The following HEATR9 variants were observed in gnomAD, a reference collection of about 807,000 sequenced individuals.
HEATR9 encodes HEAT repeat containing 9, also known as protein HEATR9.
A neutral mutation model predicts 68.2 loss-of-function variants in HEATR9; 54 were observed. That is an observed-to-expected ratio of 0.79 (90% CI 0.64 to 0.99). The LOEUF (loss-of-function observed/expected upper bound fraction) is 0.99, where lower values mean the gene tolerates loss of function less well. HEATR9 is among the 50% of genes least tolerant of loss of function. HEATR9 has a pLI of 0.00. For missense variants in HEATR9, 662 were observed against 679.7 expected (o/e 0.97, Z 0.29); for synonymous variants, 241 against 253.5 (o/e 0.95, Z 0.47).
At position 35,855,756 on chromosome 17, in the gene HEATR9, A is replaced by G; in HGVS notation, c.1279-6T>C. 1 of 1,613,246 alleles carries G rather than the reference A, an allele frequency of 6.2e-7. No homozygotes were observed. Among genetic ancestry groups the G allele is most frequent in the Non-Finnish European group, 8.5e-7 (1 of 1,179,508 alleles). On this transcript the variant is annotated splice_region_variant and splice_polypyrimidine_tract_variant and intron_variant, in intron 13 of 14. Transcript: ENST00000604834. Reference sequence around the variant, plus strand: ...CTGCGGATCCCCAGGACACCCTGGCAGAGGCAGAGTGAGAGTGCCTATGTA... The same window carrying G: ...CTGCGGATCCCCAGGACACCCTGGCGGAGGCAGAGTGAGAGTGCCTATGTA...
chr17:35,866,986 T>G (rs2088219467), intron 1 of HEATR9, among the ~76,000 whole-genome samples: 1 of 152,014 alleles, frequency 6.6e-6, no homozygotes, highest in Non-Finnish European at 1.5e-5. Context: ...GCGCAGTGGC[T>G]CACGCCTGTA....
intron 2 of HEATR9, 105 bp from the exon 3 acceptor site, chr17:35,865,501 A>T (rs1312367057): frequency 1.6e-5 from 12 of 769,646 alleles, no homozygotes; most frequent in Non-Finnish European, 2.5e-5. Flanking sequence ...GGTGAAACAG[A>T]TGCCCTCTAG....
Position 35,864,808 on chromosome 17 carries a change from A to T in HEATR9, c.403T>A (p.Ser135Thr). The T allele has an allele frequency of 6.2e-7, 1 of 1,614,114 alleles. No individual in the cohort carries two copies. Among genetic ancestry groups the T allele is most frequent in the Non-Finnish European group, 8.5e-7 (1 of 1,180,016 alleles). ...SKLTIKSEMR[S>T]RPLEPTQDPL... ...TCCTGGGTAGGCTCTAAGGGCCTGG[A>T]TCGCATCTCAGATTTTATAGTCAGC... Residue 135 changes from serine (S) to threonine (T), a missense_variant, in exon 4 of 15, where the codon TCC becomes ACC. Transcript: ENST00000604834.
chr17:35,856,204 G>T lies in HEATR9; in HGVS notation c.1247C>A (p.Ala416Asp), dbSNP rs770148799. 2 of 1,614,162 alleles carry T rather than the reference G, an allele frequency of 1.2e-6. No homozygotes were observed. Among genetic ancestry groups the T allele is most frequent in the East Asian group, 2.2e-5 (1 of 44,888 alleles). ...GATGACTGCTTCCTGGCGTGCAGTG[G>T]CATCTGGGTTCATCAGTTGTCTGTG... Reference protein sequence around the residue: ...LVEAQLMNPDATARQEAVISL... With the variant: ...LVEAQLMNPDDTARQEAVISL... The change falls in exon 13 of 15, where the codon GCC becomes GAC. Residue 416 changes from alanine (A) to aspartate (D), a missense_variant. By Grantham distance (126) the Ala-to-Asp change is moderately radical. Transcript: ENST00000604834.
chr17:35,855,483 C>A, intron 14 of HEATR9, 73 bp from the exon 15 acceptor site: 2 of 1,431,930 alleles, frequency 1.4e-6, no homozygotes, highest in Non-Finnish European at 1.9e-6. Flanking sequence ...AGGGGGCACC[C>A]AAAGTAGGGG....
Position 35,864,286 on chromosome 17 carries a change from C to T in HEATR9, c.527G>A (p.Arg176His), listed in dbSNP as rs141245415. The T allele has an allele frequency of 2.4e-4, 382 of 1,612,796 alleles. 2 individuals carry two copies. In the African/African-American group the frequency reaches 4.0e-3, roughly 17 times the overall value. The stretch of plus-strand genomic sequence containing the variant: ...CTCCATGACAAACTTGTCACTGATG[C>T]GTAAGCATCCCAGAGCCTGCAGGAA... ...FYAAQALGCL[R>H]ISDKFVMEAL... The change falls in exon 6 of 15, where the codon CGC becomes CAC. Residue 176 changes from arginine to histidine, a missense_variant. Arg to His is a conservative substitution (Grantham distance 29). Transcript: ENST00000604834.
Position 35,864,246 on chromosome 17 carries a change from C to T in HEATR9, c.567G>A (p.Val189=), listed in dbSNP as rs1408653433. Residue 189 remains valine (V), a splice_region_variant and synonymous_variant, in exon 6 of 15, where the codon GTG becomes GTA. Transcript: ENST00000604834. ...DKFVMEALQQ[V]AQTGPEKVKY... is the part of the protein sequence containing the mutation. ...GAACTCCAGCAGTTCTCAGACTCACCACCTGCTGTAGTGCCTCCATGACAA... is the reference window on the plus strand; with the variant it reads ...GAACTCCAGCAGTTCTCAGACTCACTACCTGCTGTAGTGCCTCCATGACAA... 6.2e-7 allele frequency: 1 copy of T among 1,609,448 alleles called. No individual in the cohort carries two copies. The highest frequency in any genetic ancestry group is 1.3e-5 in the African/African-American group (1 of 74,808).
intron 8 of HEATR9, chr17:35,861,288 C>T (rs9303691): frequency 0.12 from 161,456 of 1,385,952 alleles, 10,625 homozygotes; most frequent in Admixed American, 0.21. Context: ...CAACTCTCTT[C>T]ATTGCGTCAA....
chr17:35,863,165 G>C (rs1291834744), intron 7 of HEATR9, 40 bp from the exon 8 acceptor site: 2 of 1,610,866 alleles, frequency 1.2e-6, no homozygotes, highest in Non-Finnish European at 1.7e-6. Flanking sequence ...AGAGCCTCTG[G>C]TACTGCCCCT....
At chr17:35,867,716 G>A (rs965034872) in intron 1 of HEATR9, among the ~76,000 whole-genome samples, 1 of 152,088 alleles carries the variant, frequency 6.6e-6, no homozygotes, top group Non-Finnish European at 1.5e-5. Context: ...CATACCCACA[G>A]TATCTGATTC....
Position 35,868,867 on chromosome 17 carries a change from C to T in HEATR9, c.-125G>A, listed in dbSNP as rs2143998640. The T allele has an allele frequency of 3.9e-6, 3 of 769,542 alleles. No homozygotes were observed. Among genetic ancestry groups the T allele is most frequent in the Non-Finnish European group, 6.3e-6 (3 of 474,034 alleles). 47.7% of individuals were successfully genotyped at this position (769,542 alleles called of 1,614,324 possible). On this transcript the variant is annotated 5_prime_UTR_variant, in exon 1 of 15. Transcript: ENST00000604834. ...GAGAGGTACAGGGGAGGTGTCTGGA[C>T]TTCTGGAGGTAGAAGCTTCCAAGTG...
intron 11 of HEATR9, 45 bp from the exon 12 acceptor site, chr17:35,856,850 G>C: frequency 6.6e-7 from 1 of 1,506,218 alleles, no homozygotes; most frequent in South Asian, 1.2e-5. Flanking sequence ...GGAATGCAAG[G>C]GTGTACACTT....
intron 8 of HEATR9, among the ~76,000 whole-genome samples, chr17:35,859,979 G>T (rs1170798784): frequency 6.6e-6 from 1 of 152,130 alleles, no homozygotes; most frequent in Non-Finnish European, 1.5e-5. Flanking sequence ...TCCAACACTT[G>T]CACCCATACA....
chr17:35,855,398 A>G lies in HEATR9; in HGVS notation c.1378T>C (p.Leu460=), dbSNP rs369627733. The G allele has an allele frequency of 2.4e-5, 39 of 1,612,756 alleles. No individual in the cohort carries two copies. The East Asian group carries it at 6.2e-4, about 26-fold the overall frequency. The part of the protein sequence containing the change: ...QAVKKSLQET[L]ILCASIDPWI... ...GGATCAATTGAGGCACAAAGGATTA[A>G]TGTTTCTTGTAGCTGCATTGAAACA... Residue 460 remains leucine (L), a synonymous_variant, in exon 15 of 15, where the codon TTA becomes CTA. Coordinates refer to ENST00000604834, the MANE Select transcript of HEATR9 (RefSeq NM_152781.4).
At chr17:35,863,937 T>G (rs1235710572) in intron 6 of HEATR9, 2 of 538,878 alleles carry the variant, frequency 3.7e-6, no homozygotes, top group East Asian at 6.1e-5. Flanking sequence ...TGTATACATA[T>G]GCGGTGTTTC....
chr17:35,855,698 A>T lies in HEATR9; in HGVS notation c.1331T>A (p.Leu444Gln). The change falls in exon 14 of 15, where the codon CTA (leucine) becomes CAA (glutamine). Residue 444 changes from leucine to glutamine, a missense_variant. By Grantham distance (113) the Leu-to-Gln change is moderately radical. Coordinates refer to ENST00000604834, the MANE Select transcript of HEATR9 (RefSeq NM_152781.4). ...PQVFHLLLDLLDAENHQAVKK... is the reference protein window; with the variant it reads ...PQVFHLLLDLQDAENHQAVKK... ...CACAGCCTGGTGGTTTTCTGCATCT[A>T]GTAAGTCCAGGAGCAAGTGGAACAC... The T allele has an allele frequency of 6.2e-7, 1 of 1,614,146 alleles. No homozygotes were observed. The highest frequency in any genetic ancestry group is 8.5e-7 in the Non-Finnish European group (1 of 1,179,996).
At chr17:35,865,470 G>A (rs772487507) in intron 2 of HEATR9, 74 bp from the exon 3 acceptor site, 3 of 1,116,526 alleles carry the variant, frequency 2.7e-6, no homozygotes, top group Non-Finnish European at 3.9e-6. Flanking sequence ...GGGAGGAGGG[G>A]GTAAAGGGAG....
chr17:35,856,832 A>G, intron 11 of HEATR9, 27 bp from the exon 12 acceptor site: 1 of 1,576,778 alleles, frequency 6.3e-7, no homozygotes, highest in Non-Finnish European at 8.6e-7. Context: ...ATGAGTCAAC[A>G]GAGAGAGGGA....
chr17:35,860,553 G>C (rs1178714273), intron 8 of HEATR9, among the ~76,000 whole-genome samples: 3 of 147,770 alleles, frequency 2.0e-5, no homozygotes, highest in African/African-American at 7.5e-5. Flanking sequence ...GCAGTGGCAC[G>C]ATCTCGGCTC....
Sources: gnomAD v4.1 joint callset for allele counts (sites outside exome capture counted in the v4.1 genomes callset) on GRCh38, gnomAD v4.1.1 for gene constraint, MANE v1.5 for transcripts, NCBI Gene and HGNC (gene_info 2026-07-23, HGNC 2026-07-21) for gene names.